The following SLC35F4 variants were observed in gnomAD, a reference collection of about 807,000 sequenced individuals.
SLC35F4 encodes the protein solute carrier family 35 member F4, also known as chromosome 14 open reading frame 36.
SLC35F4 carries 24 observed loss-of-function variants against 44.2 expected under a neutral mutation model. That is an observed-to-expected ratio of 0.54 (90% CI 0.39 to 0.76). The LOEUF is 0.76. Among genes scored for constraint, SLC35F4 ranks in the 30% least tolerant of loss-of-function variants. The probability of loss-of-function intolerance (pLI) is 0.00; values close to 1 mark genes in which losing one functional copy is unlikely to be tolerated. For synonymous variants in SLC35F4, 238 were observed against 223.6 expected (o/e 1.06, Z -0.57); for missense variants, 562 against 586.1 (o/e 0.96, Z 0.42).
chr14:57,627,846 T>C (rs189386257), intron 1 of SLC35F4, among the ~76,000 whole-genome samples: 8 of 152,192 alleles, frequency 5.3e-5, no homozygotes, highest in Non-Finnish European at 7.4e-5. Context: ...GTCTTTAAGA[T>C]TGAATGTTAG....
chr14:57,615,356 CTTTT>C (rs766207881), intron 1 of SLC35F4, among the ~76,000 whole-genome samples: 3 of 21,024 alleles, frequency 1.4e-4, no homozygotes, highest in East Asian at 8.7e-4. Context: ...AAACATTTTC[CTTTT>C]TTTTTTTTTA....
chr14:57,859,690 G>T (rs1413624880), intron 1 of SLC35F4, among the ~76,000 whole-genome samples: 1 of 152,162 alleles, frequency 6.6e-6, no homozygotes, highest in Non-Finnish European at 1.5e-5. Flanking sequence ...GGATTGGAAG[G>T]ACTTGAGGCT....
At chr14:57,697,992 C>T (rs1055117450) in intron 1 of SLC35F4, among the ~76,000 whole-genome samples, 21 of 152,100 alleles carry the variant, frequency 1.4e-4, no homozygotes, top group African/African-American at 4.6e-4. Context: ...CACCATTTAC[C>T]GGCTACATGA....
chr14:57,682,851 AAAT>A (rs2140308759), intron 1 of SLC35F4, among the ~76,000 whole-genome samples: 1 of 152,198 alleles, frequency 6.6e-6, no homozygotes, highest in East Asian at 1.9e-4. Context: ...AATACTGGAA[AAAT>A]AATAATATCT....
At chr14:57,885,762 A>C (rs186681846) in intron 1 of SLC35F4, among the ~76,000 whole-genome samples, 6 of 152,282 alleles carry the variant, frequency 3.9e-5, no homozygotes, top group Non-Finnish European at 7.4e-5. Flanking sequence ...GCTGGTGTAG[A>C]CTGGTCTTCC....
chr14:57,914,547 A>G (rs1277416982), intron 1 of SLC35F4, among the ~76,000 whole-genome samples: 2 of 151,692 alleles, frequency 1.3e-5, no homozygotes, highest in African/African-American at 2.4e-5. Context: ...TGGGCAGCAT[A>G]GCGAGACTCC....
At chr14:57,580,832 A>T (rs1323238600) in intron 4 of SLC35F4, among the ~76,000 whole-genome samples, 1 of 152,192 alleles carries the variant, frequency 6.6e-6, no homozygotes, top group Non-Finnish European at 1.5e-5. Flanking sequence ...ATGGGGGGTC[A>T]TCTCAACATA....
At chr14:57,937,596 A>G (rs1456457771) in intron 1 of SLC35F4, among the ~76,000 whole-genome samples, 1 of 27,340 alleles carries the variant, frequency 3.7e-5, no homozygotes, top group Non-Finnish European at 6.9e-5. Context: ...GAAAGAAAAG[A>G]AAAGAAAAGA....
At position 57,846,121 on chromosome 14, in the gene SLC35F4, C is replaced by T. The variant is rs944773646; in HGVS notation, c.103+19602G>A. On this transcript the variant is annotated intron_variant, in intron 1 of 7. Transcript: ENST00000556826. ...GTAAGAAAGGAAGGGGAAAAAAACA[C>T]CAAGAGATGTCTTAGACCAAGGTAA... is the stretch of plus-strand genomic sequence containing the variant. Among the ~76,000 whole-genome samples, 13 of 152,238 alleles carry T rather than the reference C, an allele frequency of 8.5e-5. No homozygotes were observed. In the East Asian group the frequency reaches 2.3e-3, roughly 27 times the overall value.
intron 1 of SLC35F4, among the ~76,000 whole-genome samples, chr14:57,805,024 T>C (rs956947735): frequency 6.6e-6 from 1 of 151,828 alleles, no homozygotes; most frequent in African/African-American, 2.4e-5. Context: ...GAAAAAAAGC[T>C]CAACATCACT....
intron 1 of SLC35F4, among the ~76,000 whole-genome samples, chr14:57,729,729 T>G (rs2076300080): frequency 6.6e-6 from 1 of 152,170 alleles, no homozygotes; most frequent in South Asian, 2.1e-4. Flanking sequence ...CCTAGGTCAC[T>G]TGCTATGCTA....
chr14:57,696,816 G>T (rs150711259), intron 1 of SLC35F4, among the ~76,000 whole-genome samples: 8,945 of 152,280 alleles, frequency 0.059, 401 homozygotes, highest in Non-Finnish European at 0.089. Context: ...ACTAACACAG[G>T]AACAGAAAAC....
chr14:57,569,878 C>T lies in SLC35F4; in HGVS notation c.1036G>A (p.Val346Ile). ...FNLIFISFTP[V>I]ILYFTKVEHW... ...TCCACCTTGGTGAAATACAAGATGACTGGGGTGAAGGAGATGAAGATCAAA... is the reference window on the plus strand; with the variant it reads ...TCCACCTTGGTGAAATACAAGATGATTGGGGTGAAGGAGATGAAGATCAAA... Residue 346 changes from valine (V) to isoleucine (I), a missense_variant, in exon 6 of 8, where the codon GTC (valine) becomes ATC (isoleucine). Physicochemically the swap from Val to Ile is conservative, Grantham distance 29. Transcript: ENST00000556826. 6.2e-7 allele frequency: 1 copy of T among 1,612,114 alleles called. No homozygotes were observed.
chr14:57,704,065 C>T (rs935288157), intron 1 of SLC35F4, among the ~76,000 whole-genome samples: 1 of 152,166 alleles, frequency 6.6e-6, no homozygotes, highest in Non-Finnish European at 1.5e-5. Context: ...TTTTCTATAG[C>T]AAAGAACTAT....
At position 57,577,238 on chromosome 14, in the gene SLC35F4, G is replaced by T. The variant is rs114164465; in HGVS notation, c.807+3976C>A. Among the ~76,000 whole-genome samples the T allele has an allele frequency of 3.3e-3, 504 of 152,278 alleles. 2 individuals are homozygous for T. The highest frequency in any genetic ancestry group is 0.011 in the African/African-American group (456 of 41,558). On this transcript the variant is annotated intron_variant, in intron 4 of 7. Coordinates refer to ENST00000556826, the MANE Select transcript of SLC35F4 (RefSeq NM_001306087.2). ...TTCAGGGGCCCAATTTGAATTCAAAGAAGTATATGCTATACCATGAAAGAT... is the reference window on the plus strand; with the variant it reads ...TTCAGGGGCCCAATTTGAATTCAAATAAGTATATGCTATACCATGAAAGAT...
At chr14:57,877,576 A>G (rs1888424738) in intron 1 of SLC35F4, among the ~76,000 whole-genome samples, 1 of 151,708 alleles carries the variant, frequency 6.6e-6, no homozygotes, top group Non-Finnish European at 1.5e-5. Context: ...AAATTGCCAA[A>G]CTGCTTTCAA....
chr14:57,629,310 A>C (rs1047702470), intron 1 of SLC35F4, among the ~76,000 whole-genome samples: 1 of 152,150 alleles, frequency 6.6e-6, no homozygotes, highest in African/African-American at 2.4e-5. Context: ...TTTTTTTTAA[A>C]AAATCAATTG....
chr14:57,566,712 G>A (rs373187789), intron 6 of SLC35F4, 148 bp from the exon 7 acceptor site: 1 of 725,138 alleles, frequency 1.4e-6, no homozygotes, highest in East Asian at 2.8e-5. Flanking sequence ...ATGGATGCAT[G>A]TGTATTCTAC....
At chr14:57,719,763 A>G (rs1425026292) in intron 1 of SLC35F4, among the ~76,000 whole-genome samples, 3 of 152,182 alleles carry the variant, frequency 2.0e-5, no homozygotes, top group Non-Finnish European at 4.4e-5. Flanking sequence ...GCAAACAATG[A>G]TAATTTGGCT....
Sources: allele counts gnomAD v4.1 joint callset (sites outside exome capture counted in the v4.1 genomes callset), GRCh38; gene constraint gnomAD v4.1.1; transcripts MANE v1.5; gene names NCBI Gene and HGNC (gene_info 2026-07-23, HGNC 2026-07-21).